Variants in ROBO1 observed in about 807,000 individuals in gnomAD.
ROBO1 encodes the protein roundabout homolog 1.
Under a neutral mutation model 195.9 loss-of-function variants are expected in ROBO1, and 149 were observed. That is an observed-to-expected ratio of 0.76 (90% CI 0.67 to 0.87). ROBO1 has a LOEUF of 0.87. Among genes scored for constraint, ROBO1 ranks in the 40% least tolerant of loss-of-function variants. The pLI is 0.00. For synonymous variants in ROBO1, 816 were observed against 733.2 expected, an observed-to-expected ratio of 1.11 and a Z score of -1.82; for missense variants, 1,933 against 2,068.3, an observed-to-expected ratio of 0.93 and a Z score of 1.27.
chr3:79,177,746 T>C (rs1249067827), intron 2 of ROBO1, among the ~76,000 whole-genome samples: 2 of 152,214 alleles, frequency 1.3e-5, no homozygotes, highest in African/African-American at 4.8e-5. Flanking sequence ...CCTTCTTGGT[T>C]TTCTAGAAAG....
At chr3:79,549,457 T>C (rs192250655) in intron 2 of ROBO1, among the ~76,000 whole-genome samples, 2 of 152,298 alleles carry the variant, frequency 1.3e-5, no homozygotes, top group Admixed American at 1.3e-4. Flanking sequence ...CTATGAGTTT[T>C]ACATCTATGA....
Position 79,575,323 on chromosome 3 carries a change from T to TATATATAAATATATATATAAC in ROBO1, c.88+14500_88+14501insGTTATATATATATTTATATAT. Among the ~76,000 whole-genome samples the TATATATAAATATATATATAAC allele has an allele frequency of 1.6e-3, 199 of 121,680 alleles. 2 individuals carry two copies. The highest frequency in any genetic ancestry group is 6.5e-3 in the African/African-American group (192 of 29,652). 79.8% of individuals were successfully genotyped at this position (121,680 alleles called of 152,430 possible). A position where few individuals can be genotyped will look rare whatever the true frequency, so the allele number is the denominator to read the frequency against. ...AATATATATAAATATATATATAACATATATATAAATATATATAACCAATAT... is the reference window on the plus strand; with the variant it reads ...AATATATATAAATATATATATAACATATATATAAATATATATATAACATATATAAATATATATAACCAATAT... On this transcript the variant is annotated intron_variant, in intron 2 of 30. Coordinates refer to ENST00000464233, the MANE Select transcript of ROBO1 (RefSeq NM_002941.4).
chr3:79,346,556 A>T (rs1450950250), intron 2 of ROBO1, among the ~76,000 whole-genome samples: 2 of 152,136 alleles, frequency 1.3e-5, no homozygotes, highest in African/African-American at 4.8e-5. Flanking sequence ...TAGGACAGCT[A>T]TCTAAGTGAA....
chr3:79,038,112 A>C (rs568762440), intron 3 of ROBO1, among the ~76,000 whole-genome samples: 2 of 152,316 alleles, frequency 1.3e-5, no homozygotes, highest in Non-Finnish European at 2.9e-5. Flanking sequence ...AAATAATTGA[A>C]GATGATATCA....
intron 3 of ROBO1, among the ~76,000 whole-genome samples, chr3:78,969,486 C>T (rs2076716949): frequency 6.6e-6 from 1 of 152,146 alleles, no homozygotes; most frequent in Non-Finnish European, 1.5e-5. Context: ...TTGACAATAA[C>T]ATATTTTATC....
intron 9 of ROBO1, among the ~76,000 whole-genome samples, chr3:78,687,667 C>A (rs914228826): frequency 6.6e-6 from 1 of 152,198 alleles, no homozygotes; most frequent in African/African-American, 2.4e-5. Flanking sequence ...CTCTTTCACC[C>A]AGGCTGGAGT....
chr3:78,950,690 TA>T (rs112083370), intron 3 of ROBO1, among the ~76,000 whole-genome samples: 16,100 of 145,104 alleles, frequency 0.11, 1,988 homozygotes, highest in African/African-American at 0.32. Flanking sequence ...AATATTAAAT[TA>T]AAAAAAAAAA....
At chr3:78,719,047 C>A (rs1224894268) in intron 5 of ROBO1, among the ~76,000 whole-genome samples, 3 of 152,130 alleles carry the variant, frequency 2.0e-5, no homozygotes, top group Non-Finnish European at 4.4e-5. Flanking sequence ...GGTATTCTGG[C>A]CAAGTCTTTA....
intron 3 of ROBO1, among the ~76,000 whole-genome samples, chr3:79,075,649 G>T (rs2079159874): frequency 6.6e-6 from 1 of 151,828 alleles, no homozygotes; most frequent in Non-Finnish European, 1.5e-5. Flanking sequence ...TAGTCTCTAT[G>T]TTTAAAGACT....
intron 2 of ROBO1, among the ~76,000 whole-genome samples, chr3:79,424,597 T>C (rs939586806): frequency 6.6e-6 from 1 of 152,104 alleles, no homozygotes; most frequent in African/African-American, 2.4e-5. Context: ...GCTCCGTTTC[T>C]CATGGAGCTT....
intron 3 of ROBO1, among the ~76,000 whole-genome samples, chr3:79,061,753 G>A (rs1049080373): frequency 1.3e-5 from 2 of 152,074 alleles, no homozygotes; most frequent in African/African-American, 4.8e-5. Context: ...AATGGGGAAA[G>A]GATTCCCTAT....
intron 2 of ROBO1, among the ~76,000 whole-genome samples, chr3:79,140,142 C>T (rs1016930884): frequency 6.6e-6 from 1 of 152,122 alleles, no homozygotes; most frequent in Non-Finnish European, 1.5e-5. Flanking sequence ...TTATCCTTTA[C>T]CCAGTGCTCT....
intron 4 of ROBO1, among the ~76,000 whole-genome samples, chr3:78,767,508 C>T (rs1250014061): frequency 6.6e-6 from 1 of 150,718 alleles, no homozygotes; most frequent in East Asian, 1.9e-4. Flanking sequence ...TCAAGCGACT[C>T]ACCTGCTTTG....
chr3:78,598,838 C>A lies in ROBO1; in HGVS notation c.*75G>T. The A allele has an allele frequency of 1.1e-6, 1 of 916,262 alleles. No homozygotes were observed. Among genetic ancestry groups the A allele is most frequent in the Non-Finnish European group, 1.7e-6 (1 of 592,128 alleles). 56.8% of individuals were successfully genotyped at this position (916,262 alleles called of 1,614,324 possible). ...TGATTGCACTGAACATTTTATCTGG[C>A]GTCATGTGTCATCTGACAGGAGGCA... is the stretch of plus-strand genomic sequence containing the variant. On this transcript the variant is annotated 3_prime_UTR_variant, in exon 31 of 31. Coordinates refer to ENST00000464233, the MANE Select transcript of ROBO1 (RefSeq NM_002941.4).
chr3:78,759,838 C>G lies in ROBO1; in HGVS notation c.500-12938G>C, dbSNP rs184294610. Among the ~76,000 whole-genome samples the G allele has an allele frequency of 2.2e-3, 318 of 142,204 alleles. 2 individuals carry two copies. Among genetic ancestry groups the G allele is most frequent in the African/African-American group, 7.0e-3 (270 of 38,448 alleles). The allele number at this position is 142,204 out of a possible 152,430, so 93.3% of individuals were successfully genotyped here. A position where few individuals can be genotyped will look rare whatever the true frequency, so the allele number is the denominator to read the frequency against. ...GGCATCTAAACAGCATGCCTTTTAA[C>G]GTAAAAAATATGCAAAAATGAAAGG... On this transcript the variant is annotated intron_variant, in intron 4 of 30. Transcript: ENST00000464233.
chr3:78,703,824 CAT>C (rs138410812), intron 8 of ROBO1, among the ~76,000 whole-genome samples: 84,325 of 150,944 alleles, frequency 0.56, 24,146 homozygotes, highest in East Asian at 0.78. Flanking sequence ...CACACACACA[CAT>C]ATATATATAT....
intron 4 of ROBO1, among the ~76,000 whole-genome samples, chr3:78,753,003 T>C (rs979471172): frequency 1.3e-5 from 2 of 152,170 alleles, no homozygotes; most frequent in East Asian, 3.9e-4. Context: ...AAAACTCTTA[T>C]GTCCTAACCT....
intron 4 of ROBO1, among the ~76,000 whole-genome samples, chr3:78,928,859 TG>T (rs2039355500): frequency 6.6e-6 from 1 of 152,188 alleles, no homozygotes; most frequent in African/African-American, 2.4e-5. Context: ...TTCTGGTGCC[TG>T]ACTGAGATGA....
At chr3:79,024,835 T>G (rs77176545) in intron 3 of ROBO1, among the ~76,000 whole-genome samples, 3,661 of 152,230 alleles carry the variant, frequency 0.024, 145 homozygotes, top group African/African-American at 0.082. Context: ...AAACTTGTGT[T>G]AAAAGGAGCA....
Sources: gnomAD v4.1 joint callset for allele counts (sites outside exome capture counted in the v4.1 genomes callset) on GRCh38, gnomAD v4.1.1 for gene constraint, MANE v1.5 for transcripts, NCBI Gene and HGNC (gene_info 2026-07-23, HGNC 2026-07-21) for gene names.